Variants in PHF21B observed in about 807,000 individuals in gnomAD.
The protein encoded by PHF21B is PHD finger protein 21B, also known as PHD finger protein 4.
A neutral mutation model predicts 62.2 loss-of-function variants in PHF21B; 22 were observed. That is an observed-to-expected ratio of 0.35 (90% CI 0.25 to 0.51). The LOEUF is 0.51. Ranked by LOEUF, PHF21B falls within the 20% of genes least tolerant of loss-of-function variation. PHF21B has a pLI of 0.97. For synonymous variants in PHF21B, 341 were observed against 314.7 expected, an observed-to-expected ratio of 1.08 and a Z score of -0.88; for missense variants, 701 against 707.9, an observed-to-expected ratio of 0.99 and a Z score of 0.11.
At chr22:44,969,659 C>CA (rs2072599148) in intron 2 of PHF21B, among the ~76,000 whole-genome samples, 1 of 151,684 alleles carries the variant, frequency 6.6e-6, no homozygotes, top group Non-Finnish European at 1.5e-5. Flanking sequence ...CAGCGAGACT[C>CA]AGTCTCAAAA....
intron 2 of PHF21B, among the ~76,000 whole-genome samples, chr22:44,981,574 C>T (rs1025684477): frequency 2.0e-5 from 3 of 152,208 alleles, no homozygotes; most frequent in African/African-American, 7.2e-5. Context: ...GATGAGGAAA[C>T]CAAGACTCAG....
intron 2 of PHF21B, among the ~76,000 whole-genome samples, chr22:44,950,502 A>C (rs2072171357): frequency 6.6e-6 from 1 of 152,180 alleles, no homozygotes; most frequent in African/African-American, 2.4e-5. Context: ...AGACACTAAG[A>C]GTGACGCTCT....
intron 9 of PHF21B, among the ~76,000 whole-genome samples, chr22:44,888,924 TG>T: frequency 6.6e-6 from 1 of 152,342 alleles, no homozygotes; most frequent in South Asian, 2.1e-4. Flanking sequence ...TCTCCAAGTC[TG>T]TGGGCTCTGT....
chr22:44,907,018 T>C (rs2071263027), intron 5 of PHF21B, among the ~76,000 whole-genome samples: 1 of 152,200 alleles, frequency 6.6e-6, no homozygotes, highest in Non-Finnish European at 1.5e-5. Flanking sequence ...GCCCATCACC[T>C]TGACACCTGT....
chr22:45,008,347 C>CG, intron 2 of PHF21B, 198 bp downstream of exon 2: 1 of 465,786 alleles, frequency 2.1e-6, no homozygotes, highest in Non-Finnish European at 3.6e-6. Flanking sequence ...CCGCAGGGCC[C>CG]GGCTCTCCCT....
At chr22:45,000,080 G>C (rs1180403176) in intron 2 of PHF21B, among the ~76,000 whole-genome samples, 2 of 152,014 alleles carry the variant, frequency 1.3e-5, no homozygotes. Flanking sequence ...AGGCGGCAAA[G>C]CCTGCCCCAA....
intron 2 of PHF21B, among the ~76,000 whole-genome samples, chr22:44,957,902 C>T (rs549734322): frequency 0.028 from 2,157 of 78,124 alleles, 40 homozygotes; most frequent in African/African-American, 0.081. Flanking sequence ...CACCACTGGA[C>T]ATTTTTTTTT....
At position 44,914,815 on chromosome 22, in the gene PHF21B, A is replaced by G. The variant is rs376882350; in HGVS notation, c.565-727T>C. 1.7e-4 allele frequency among the ~76,000 whole-genome samples: 26 copies of G among 152,252 alleles called. No homozygotes were observed. The East Asian group carries it at 2.9e-3, about 17-fold the overall frequency. ...GGTTTGATGAAACGGTGTGATGCTG[A>G]AAGTCAGCCTGAAATCCACCCATCC... On this transcript the variant is annotated intron_variant, in intron 4 of 12. Coordinates refer to ENST00000313237, the MANE Select transcript of PHF21B (RefSeq NM_138415.5).
chr22:45,009,514 C>T lies in PHF21B; in HGVS notation c.36G>A (p.Val12=). The change falls in exon 1 of 13, where the codon GTG becomes GTA. Residue 12 remains valine (V), a synonymous_variant. Coordinates refer to ENST00000313237, the MANE Select transcript of PHF21B (RefSeq NM_138415.5). The surrounding 1 kb of genome is among the most constrained non-coding windows in gnomAD (Gnocchi z 5.9). ...ELQSRPEALA[V]ELARHQNGDL... The stretch of plus-strand genomic sequence containing the variant: ...CACCTACCTGGTGGCGCGCGAGTTC[C>T]ACGGCGAGCGCCTCGGGCCGGCTCT... 6.4e-7 allele frequency: 1 copy of T among 1,565,228 alleles called. No individual in the cohort carries two copies. Among genetic ancestry groups the T allele is most frequent in the Non-Finnish European group, 8.6e-7 (1 of 1,164,850 alleles).
At chr22:44,990,694 G>A (rs1569278207) in intron 2 of PHF21B, among the ~76,000 whole-genome samples, 1 of 152,230 alleles carries the variant, frequency 6.6e-6, no homozygotes, top group Non-Finnish European at 1.5e-5. Context: ...AGGAGTAATT[G>A]TTTCATGGGT....
chr22:44,886,760 G>A lies in PHF21B; in HGVS notation c.1198-822C>T, dbSNP rs2070866684. The stretch of plus-strand genomic sequence containing the variant: ...GGGGCAGGTAGCCGCAGAGGGAACA[G>A]CCCGACAGCAGCCCCTGCCCACCAT... On this transcript the variant is annotated intron_variant, in intron 10 of 12. Transcript: ENST00000313237. Among the ~76,000 whole-genome samples the A allele has an allele frequency of 3.3e-5, 5 of 152,142 alleles. No homozygotes were observed. In the South Asian group the frequency reaches 1.0e-3, roughly 32 times the overall value.
intron 2 of PHF21B, among the ~76,000 whole-genome samples, chr22:44,942,625 G>C (rs762672802): frequency 7.9e-5 from 12 of 152,176 alleles, no homozygotes; most frequent in Admixed American, 1.3e-4. Flanking sequence ...ACCGAGGTCT[G>C]TGGCCCTGAG....
At chr22:44,995,446 A>G (rs2147514590) in intron 2 of PHF21B, among the ~76,000 whole-genome samples, 1 of 152,250 alleles carries the variant, frequency 6.6e-6, no homozygotes, top group Admixed American at 6.5e-5. Flanking sequence ...ACAGAAATGC[A>G]TTTGTGTTCC....
intron 11 of PHF21B, 74 bp from the exon 12 acceptor site, chr22:44,885,603 G>T: frequency 7.1e-7 from 1 of 1,410,756 alleles, no homozygotes; most frequent in Non-Finnish European, 9.6e-7. Context: ...AATGGGAGAG[G>T]CAGAAGGGAT....
intron 5 of PHF21B, among the ~76,000 whole-genome samples, chr22:44,897,061 A>T (rs2071074028): frequency 6.6e-6 from 1 of 151,462 alleles, no homozygotes; most frequent in African/African-American, 2.4e-5. Context: ...GTATTTTTTG[A>T]AGAGATGGAG....
intron 2 of PHF21B, among the ~76,000 whole-genome samples, chr22:44,981,311 G>T (rs573003711): frequency 9.8e-5 from 15 of 152,300 alleles, no homozygotes; most frequent in African/African-American, 3.4e-4. Flanking sequence ...CTCGGATACT[G>T]TCTCCAGCAG....
chr22:44,900,580 C>T (rs767531592), intron 5 of PHF21B, among the ~76,000 whole-genome samples: 1 of 152,320 alleles, frequency 6.6e-6, no homozygotes, highest in East Asian at 1.9e-4. Flanking sequence ...AGATTACAGG[C>T]GTGAGCCACT....
At chr22:44,887,734 A>G (rs1351700451) in intron 10 of PHF21B, among the ~76,000 whole-genome samples, 12 of 149,320 alleles carry the variant, frequency 8.0e-5, no homozygotes, top group Non-Finnish European at 1.5e-4. Context: ...CAGCCTGGGC[A>G]ACAGAACGAG....
intron 2 of PHF21B, among the ~76,000 whole-genome samples, chr22:45,001,654 G>A (rs538086502): frequency 2.6e-5 from 4 of 152,272 alleles, no homozygotes; most frequent in South Asian, 2.1e-4. Context: ...ACAACATACC[G>A]CTCCACCGCT....
Sources: allele counts gnomAD v4.1 joint callset (sites outside exome capture counted in the v4.1 genomes callset), GRCh38; gene constraint gnomAD v4.1.1; non-coding constraint Gnocchi (gnomAD v3.1); transcripts MANE v1.5; gene names NCBI Gene and HGNC (gene_info 2026-07-23, HGNC 2026-07-21).